Variants in BOLL observed in about 807,000 individuals in gnomAD.
The protein encoded by BOLL is boule RNA binding protein.
A neutral mutation model predicts 44.4 loss-of-function variants in BOLL; 23 were observed. That is an observed-to-expected ratio of 0.52 (90% CI 0.37 to 0.73). BOLL has a LOEUF of 0.73. BOLL is among the 30% of genes least tolerant of loss of function. The probability of loss-of-function intolerance (pLI) is 0.00; values close to 1 mark genes in which losing one functional copy is unlikely to be tolerated. For synonymous variants in BOLL, 97 were observed against 110.8 expected, an observed-to-expected ratio of 0.88 and a Z score of 0.78; for missense variants, 287 against 338.3, an observed-to-expected ratio of 0.85 and a Z score of 1.19.
intron 2 of BOLL, among the ~76,000 whole-genome samples, chr2:197,780,984 G>A (rs1015267961): frequency 7.9e-5 from 12 of 151,960 alleles, no homozygotes; most frequent in Non-Finnish European, 1.2e-4. Flanking sequence ...ATGCTTTCTT[G>A]AAACAGTGGA....
chr2:197,771,737 T>G (rs1689273309), intron 6 of BOLL, 118 bp downstream of exon 6: 1 of 1,175,064 alleles, frequency 8.5e-7, no homozygotes. Flanking sequence ...TCTATTTAAT[T>G]TGGTTGATGT....
chr2:197,784,691 G>T, intron 1 of BOLL: 5 of 979,494 alleles, frequency 5.1e-6, no homozygotes, highest in Non-Finnish European at 6.1e-6. Flanking sequence ...GCCTCCCAAA[G>T]TGCTGGGATT....
intron 10 of BOLL, among the ~76,000 whole-genome samples, chr2:197,729,116 G>A (rs892038329): frequency 2.6e-5 from 4 of 152,134 alleles, no homozygotes; most frequent in Non-Finnish European, 4.4e-5. Context: ...CAGTGGGTGC[G>A]TGCACCGTGC....
chr2:197,768,590 C>T (rs182972898), intron 6 of BOLL, among the ~76,000 whole-genome samples: 130 of 151,174 alleles, frequency 8.6e-4, no homozygotes, highest in African/African-American at 3.0e-3. Flanking sequence ...TTCAAAATAG[C>T]AGGAAATAGG....
Position 197,781,742 on chromosome 2 carries a change from C to T in BOLL, c.109G>A (p.Val37Ile), listed in dbSNP as rs1689796819. The T allele has an allele frequency of 7.7e-6, 12 of 1,566,466 alleles. No homozygotes were observed. The highest frequency in any genetic ancestry group is 9.6e-6 in the Non-Finnish European group (11 of 1,149,282). ...YGTVIPNRIF[V>I]GGIDFKTNES... ...GGTACCTTAAAATCAATTCCTCCTACAAAGATGCGATTAGGGATCACTGTT... is the reference window on the plus strand; with the variant it reads ...GGTACCTTAAAATCAATTCCTCCTATAAAGATGCGATTAGGGATCACTGTT... Residue 37 changes from valine (V) to isoleucine (I), a missense_variant, in exon 2 of 11, where the codon GTA becomes ATA. Val to Ile is a conservative substitution (Grantham distance 29). Transcript: ENST00000392296.
chr2:197,766,284 C>G (rs1005212299), intron 7 of BOLL, among the ~76,000 whole-genome samples: 1 of 152,060 alleles, frequency 6.6e-6, no homozygotes, highest in Non-Finnish European at 1.5e-5. Context: ...CTAATTTACA[C>G]TCCAACCAAC....
chr2:197,785,410 T>C (rs1274654084), upstream of BOLL: 5 of 982,694 alleles, frequency 5.1e-6, no homozygotes, highest in Non-Finnish European at 6.0e-6. The surrounding 1 kb of genome is among the most constrained non-coding windows in gnomAD (Gnocchi z 6.7). Context: ...GCCTCGGGCC[T>C]GTGCGGGCAG....
At chr2:197,779,854 C>T (rs1689687366) in intron 2 of BOLL, among the ~76,000 whole-genome samples, 1 of 151,846 alleles carries the variant, frequency 6.6e-6, no homozygotes, top group Admixed American at 6.6e-5. Context: ...AACTGTTTGT[C>T]TACAAGAGTA....
At chr2:197,746,718 G>A (rs546883461) in intron 9 of BOLL, among the ~76,000 whole-genome samples, 2 of 152,090 alleles carry the variant, frequency 1.3e-5, no homozygotes, top group East Asian at 3.9e-4. Context: ...TGGCCAACAT[G>A]GTGAAACCCC....
intron 7 of BOLL, among the ~76,000 whole-genome samples, chr2:197,762,724 A>T (rs1688817236): frequency 6.6e-6 from 1 of 152,196 alleles, no homozygotes; most frequent in East Asian, 1.9e-4. Context: ...GGGACACAAC[A>T]GTAGCAGTAT....
rs1688132817 is a variant in BOLL, at chr2:197,749,357, A to C, written c.730-6198T>G. Among the ~76,000 whole-genome samples the C allele has an allele frequency of 2.0e-5, 3 of 152,268 alleles. No individual in the cohort carries two copies. The South Asian group carries it at 6.2e-4, about 32-fold the overall frequency. Reference sequence around the variant, plus strand: ...CTCCAAAGGATCACAACTCCTCGCCAGCAAGGGAACAAAACTGGACGGAGA... The same window carrying C: ...CTCCAAAGGATCACAACTCCTCGCCCGCAAGGGAACAAAACTGGACGGAGA... On this transcript the variant is annotated intron_variant, in intron 9 of 10. Transcript: ENST00000392296.
intron 7 of BOLL, among the ~76,000 whole-genome samples, chr2:197,758,557 C>G (rs1474174946): frequency 6.6e-6 from 1 of 152,114 alleles, no homozygotes; most frequent in East Asian, 1.9e-4. Context: ...CAAAAACAGC[C>G]ATAGACAATA....
In BOLL at chr2:197,781,774, C is replaced by T; in HGVS notation, c.77G>A (p.Arg26Lys). The T allele has an allele frequency of 6.2e-7, 1 of 1,606,258 alleles. No homozygotes were observed. The highest frequency in any genetic ancestry group is 1.1e-5 in the South Asian group (1 of 89,932). ...GCGATTAGGGATCACTGTTCCATAT[C>T]TTGGGGCACTTGTTGGGTTATTCAA... is the stretch of plus-strand genomic sequence containing the variant. Reference protein sequence around the residue: ...VPLNNPTSAPRYGTVIPNRIF... With the variant: ...VPLNNPTSAPKYGTVIPNRIF... Residue 26 changes from arginine to lysine, a missense_variant, in exon 2 of 11, where the codon AGA becomes AAA. Arg to Lys is a conservative substitution (Grantham distance 26). Coordinates refer to ENST00000392296, the MANE Select transcript of BOLL (RefSeq NM_033030.6).
chr2:197,748,857 G>A (rs1482641725), intron 9 of BOLL, among the ~76,000 whole-genome samples: 1 of 152,246 alleles, frequency 6.6e-6, no homozygotes, highest in East Asian at 1.9e-4. Context: ...GAGAGCAACA[G>A]ATCTCCCAGC....
intron 1 of BOLL, 121 bp downstream of exon 1, chr2:197,784,935 G>A (rs1401987999): frequency 1.0e-6 from 1 of 986,264 alleles, no homozygotes; most frequent in African/African-American, 1.7e-5. Flanking sequence ...TCCAGCACTA[G>A]AGAGTTTATT....
chr2:197,745,868 A>G (rs1559397545), intron 9 of BOLL, among the ~76,000 whole-genome samples: 1 of 152,218 alleles, frequency 6.6e-6, no homozygotes, highest in Non-Finnish European at 1.5e-5. Context: ...GTGCAGAAGT[A>G]TGTATTGGTC....
At chr2:197,754,667 C>T (rs1400847444) in intron 9 of BOLL, among the ~76,000 whole-genome samples, 1 of 148,700 alleles carries the variant, frequency 6.7e-6, no homozygotes, top group East Asian at 2.0e-4. Flanking sequence ...TGAGCCGAGA[C>T]CACACCATTG....
chr2:197,782,017 T>C, intron 1 of BOLL, 152 bp from the exon 2 acceptor site: 1 of 556,614 alleles, frequency 1.8e-6, no homozygotes, highest in Non-Finnish European at 2.8e-6. Flanking sequence ...AAAATTATAA[T>C]TAGAGCTAAG....
chr2:197,780,867 A>G (rs1689737658), intron 2 of BOLL, among the ~76,000 whole-genome samples: 1 of 152,044 alleles, frequency 6.6e-6, no homozygotes, highest in Non-Finnish European at 1.5e-5. Context: ...TATCCATTTG[A>G]AAGTAAGAGT....
Sources: allele counts gnomAD v4.1 joint callset (sites outside exome capture counted in the v4.1 genomes callset), GRCh38; gene constraint gnomAD v4.1.1; non-coding constraint Gnocchi (gnomAD v3.1); transcripts MANE v1.5; gene names NCBI Gene and HGNC (gene_info 2026-07-23, HGNC 2026-07-21).